The following DLGAP2 variants were observed in gnomAD, a reference collection of about 807,000 sequenced individuals.
The protein encoded by DLGAP2 is DLG associated protein 2.
In DLGAP2, 26 loss-of-function variants were observed where a neutral mutation model predicts 100.3. The observed-to-expected ratio is 0.26, with a 90% CI of 0.19 to 0.36. DLGAP2 has a LOEUF of 0.36. Ranked by LOEUF, DLGAP2 falls within the 10% of genes least tolerant of loss-of-function variation. The probability of loss-of-function intolerance (pLI) is 1.00; values close to 1 mark genes in which losing one functional copy is unlikely to be tolerated. For synonymous variants in DLGAP2, 886 were observed against 630.1 expected, an observed-to-expected ratio of 1.41 and a Z score of -6.08; for missense variants, 1,858 against 1,453.2, an observed-to-expected ratio of 1.28 and a Z score of -4.53.
In DLGAP2 at chr8:1,475,976, T is replaced by C. The variant is rs897124382; in HGVS notation, c.107-25390T>C. Among the ~76,000 whole-genome samples, 4 of 152,302 alleles carry C rather than the reference T, an allele frequency of 2.6e-5. No homozygotes were observed. In the East Asian group the frequency reaches 7.7e-4, roughly 29 times the overall value. ...GTTTTTGTAGTTACTCTTCTCAAGT[T>C]TAATTTTGCTGGAGGCAGAGCTGGC... On this transcript the variant is annotated intron_variant, in intron 3 of 14. Transcript: ENST00000637795.
At chr8:782,661 A>T (rs1335939537) in intron 1 of DLGAP2, among the ~76,000 whole-genome samples, 1 of 152,210 alleles carries the variant, frequency 6.6e-6, no homozygotes, top group African/African-American at 2.4e-5. Context: ...AAGGCAGTTG[A>T]GGGCCCCCAC....
chr8:1,090,617 C>G (rs1375957864), intron 2 of DLGAP2, among the ~76,000 whole-genome samples: 1 of 152,200 alleles, frequency 6.6e-6, no homozygotes, highest in Non-Finnish European at 1.5e-5. Flanking sequence ...GGTTGGGGGT[C>G]TTGCCTCTTG....
At chr8:879,233 C>G (rs1563075966) in intron 1 of DLGAP2, among the ~76,000 whole-genome samples, 1 of 152,230 alleles carries the variant, frequency 6.6e-6, no homozygotes, top group Admixed American at 6.5e-5. Context: ...GATAATTTCC[C>G]TGTTAGCCAC....
At chr8:1,158,653 G>A (rs146417712) in intron 2 of DLGAP2, among the ~76,000 whole-genome samples, 12 of 152,320 alleles carry the variant, frequency 7.9e-5, no homozygotes, top group African/African-American at 2.9e-4. Flanking sequence ...ACCCGCAGAC[G>A]GCCGTTGCAC....
At chr8:758,808 C>T (rs866189252) in intron 1 of DLGAP2, among the ~76,000 whole-genome samples, 13 of 152,168 alleles carry the variant, frequency 8.5e-5, no homozygotes, top group South Asian at 2.1e-4. Flanking sequence ...GTGATCTACC[C>T]GCCTCAGCTC....
At chr8:1,164,860 C>T (rs181463511) in intron 2 of DLGAP2, among the ~76,000 whole-genome samples, 7 of 152,264 alleles carry the variant, frequency 4.6e-5, no homozygotes, top group Admixed American at 1.3e-4. Flanking sequence ...GCTGAGACAG[C>T]TCCAGTCTCT....
chr8:1,222,010 G>T (rs190077653), intron 2 of DLGAP2, among the ~76,000 whole-genome samples: 139 of 152,258 alleles, frequency 9.1e-4, no homozygotes, highest in African/African-American at 3.2e-3. Flanking sequence ...TGTTTTCCTT[G>T]GATTAGGTTT....
chr8:1,408,431 C>T (rs963481270), intron 3 of DLGAP2, among the ~76,000 whole-genome samples: 15 of 140,450 alleles, frequency 1.1e-4, no homozygotes, highest in Admixed American at 7.7e-4. Flanking sequence ...TGGGGCCTTG[C>T]GTAATCTCCA....
chr8:1,511,193 A>T (rs554659094), intron 4 of DLGAP2, among the ~76,000 whole-genome samples: 1 of 151,670 alleles, frequency 6.6e-6, no homozygotes, highest in South Asian at 2.1e-4. Flanking sequence ...ACCATCTTCC[A>T]TGGACGTAAG....
chr8:1,221,910 A>G (rs533987524), intron 2 of DLGAP2, among the ~76,000 whole-genome samples: 40 of 152,292 alleles, frequency 2.6e-4, no homozygotes, highest in African/African-American at 9.4e-4. Flanking sequence ...TTCTAATTGC[A>G]TTCCGAAATT....
intron 3 of DLGAP2, among the ~76,000 whole-genome samples, chr8:1,407,399 T>A (rs1480371525): frequency 1.1e-4 from 12 of 113,992 alleles, no homozygotes; most frequent in East Asian, 7.9e-4. Flanking sequence ...CTGTATTGAG[T>A]GCTTACTGAG....
intron 3 of DLGAP2, among the ~76,000 whole-genome samples, chr8:1,343,073 C>T (rs1801455469): frequency 6.6e-6 from 1 of 152,194 alleles, no homozygotes; most frequent in Admixed American, 6.5e-5. Flanking sequence ...AAACCGGAGA[C>T]ACAAACACTG....
chr8:1,559,821 A>T (rs1279439452), intron 5 of DLGAP2, among the ~76,000 whole-genome samples: 1 of 152,178 alleles, frequency 6.6e-6, no homozygotes, highest in Non-Finnish European at 1.5e-5. Flanking sequence ...GTGCCCAGGA[A>T]CTGGGTGGCC....
chr8:1,082,787 G>T (rs1213958425), intron 2 of DLGAP2, among the ~76,000 whole-genome samples: 2 of 152,200 alleles, frequency 1.3e-5, no homozygotes. Flanking sequence ...TTTGTGGAGA[G>T]AATCAGTGGT....
At chr8:871,809 A>G (rs1375628222) in intron 1 of DLGAP2, among the ~76,000 whole-genome samples, 1 of 152,180 alleles carries the variant, frequency 6.6e-6, no homozygotes, top group Non-Finnish European at 1.5e-5. Flanking sequence ...ACCCTCTGTT[A>G]AGGATGTGGC....
intron 3 of DLGAP2, among the ~76,000 whole-genome samples, chr8:1,281,461 C>G (rs1045073344): frequency 2.2e-4 from 33 of 152,174 alleles, no homozygotes; most frequent in African/African-American, 7.7e-4. Flanking sequence ...CCTCCCCAGC[C>G]CTTCTGTCCC....
rs567764761 is a variant in DLGAP2 at position 774,473 on chromosome 8, T to C, written c.18+36648T>C. 7.3e-4 allele frequency among the ~76,000 whole-genome samples: 111 copies of C among 152,264 alleles called. 1 individual carries two copies. Among genetic ancestry groups the C allele is most frequent in the African/African-American group, 4.8e-5 (2 of 41,546 alleles). ...CCTAGGTTTTCTTCTAGGGTTTTTA[T>C]GGTTTTAGGTCTAACGTTTAAGTCT... On this transcript the variant is annotated intron_variant, in intron 1 of 14. Transcript: ENST00000637795.
At chr8:1,161,011 A>C (rs753311761) in intron 2 of DLGAP2, among the ~76,000 whole-genome samples, 9 of 152,236 alleles carry the variant, frequency 5.9e-5, no homozygotes, top group Admixed American at 1.3e-4. Context: ...TACTATTCTA[A>C]TGCATTTACT....
chr8:950,920 G>A (rs550161037), intron 2 of DLGAP2, among the ~76,000 whole-genome samples: 7 of 151,990 alleles, frequency 4.6e-5, no homozygotes, highest in African/African-American at 9.6e-5. Flanking sequence ...CACCGCGCTC[G>A]GCCCTAGAAT....
Sources: allele counts gnomAD v4.1 joint callset (sites outside exome capture counted in the v4.1 genomes callset), GRCh38; gene constraint gnomAD v4.1.1; transcripts MANE v1.5; gene names NCBI Gene and HGNC (gene_info 2026-07-23, HGNC 2026-07-21).